Variants in PDE4D observed in about 807,000 individuals in gnomAD.
PDE4D encodes the protein phosphodiesterase 4D, also known as 3',5'-cyclic-AMP phosphodiesterase 4D.
In PDE4D, 24 loss-of-function variants were observed where a neutral mutation model predicts 87.4. The ratio of observed to expected loss-of-function variants is 0.27; its 90% CI spans 0.20 to 0.39. PDE4D has a LOEUF of 0.39. Ranked by LOEUF, PDE4D falls within the 10% of genes least tolerant of loss-of-function variation. The pLI is 1.00. For synonymous variants in PDE4D, 384 were observed against 383.2 expected, an observed-to-expected ratio of 1.00 and a Z score of -0.02; for missense variants, 714 against 1,041.0, an observed-to-expected ratio of 0.69 and a Z score of 4.32.
intron 1 of PDE4D, among the ~76,000 whole-genome samples, chr5:59,399,097 G>A (rs1582390128): frequency 7.6e-6 from 1 of 132,022 alleles, no homozygotes; most frequent in Middle Eastern, 3.6e-3. Flanking sequence ...CAAACAAATG[G>A]AAGAACATTC....
chr5:59,595,786 C>G (rs1826589000), intron 1 of PDE4D, among the ~76,000 whole-genome samples: 1 of 151,942 alleles, frequency 6.6e-6, no homozygotes, highest in Non-Finnish European at 1.5e-5. Context: ...ACCTTTAGGT[C>G]TGCTTGTATA....
intron 1 of PDE4D, among the ~76,000 whole-genome samples, chr5:59,880,429 C>T (rs1308722434): frequency 1.3e-5 from 2 of 152,030 alleles, no homozygotes; most frequent in Non-Finnish European, 2.9e-5. Flanking sequence ...TCATGAGTTA[C>T]AAAAAGATGT....
intron 1 of PDE4D, among the ~76,000 whole-genome samples, chr5:59,630,397 T>C (rs1377757942): frequency 6.6e-6 from 1 of 152,170 alleles, no homozygotes; most frequent in Non-Finnish European, 1.5e-5. Flanking sequence ...CACAATCCCC[T>C]TATAATGAAT....
chr5:59,651,155 C>T (rs1273367521), intron 1 of PDE4D, among the ~76,000 whole-genome samples: 1 of 151,372 alleles, frequency 6.6e-6, no homozygotes, highest in Non-Finnish European at 1.5e-5. Context: ...ACTCGGGAGG[C>T]TGAGGCAGGA....
chr5:59,124,371 T>G (rs532840344), intron 5 of PDE4D, among the ~76,000 whole-genome samples: 9 of 152,336 alleles, frequency 5.9e-5, no homozygotes, highest in African/African-American at 2.2e-4. Context: ...TGATTTATAC[T>G]CGAGTAGACC....
chr5:59,026,164 GT>G (rs1442743010), intron 6 of PDE4D, among the ~76,000 whole-genome samples: 1 of 152,220 alleles, frequency 6.6e-6, no homozygotes, highest in Non-Finnish European at 1.5e-5. Flanking sequence ...AGAAAGAGCA[GT>G]TTATGACCAT....
At chr5:59,876,412 G>T (rs1411267865) in intron 1 of PDE4D, among the ~76,000 whole-genome samples, 1 of 152,132 alleles carries the variant, frequency 6.6e-6, no homozygotes, top group Non-Finnish European at 1.5e-5. Context: ...CCTGGTAAGT[G>T]CTACCATCAC....
In PDE4D at chr5:59,757,580, GTCAC is replaced by G. The variant is rs1248231720; in HGVS notation, c.455+135584_455+135587del. Among the ~76,000 whole-genome samples, 4 of 152,238 alleles carry G rather than the reference GTCAC, an allele frequency of 2.6e-5. No individual in the cohort carries two copies. The East Asian group carries it at 7.7e-4, about 29-fold the overall frequency. ...GGTCCTCCTCTATCTGGCCACCTAGGTCACTCAAAGAGAGCCTGTGAGTCAGGCC... is the reference window on the plus strand; with the variant it reads ...GGTCCTCCTCTATCTGGCCACCTAGGTCAAAGAGAGCCTGTGAGTCAGGCC... On this transcript the variant is annotated intron_variant, in intron 1 of 14. Transcript: ENST00000340635.
In PDE4D at chr5:60,083,578, G is replaced by A. The variant is rs115926143; in HGVS notation, c.43-94861C>T. 7.7e-3 allele frequency among the ~76,000 whole-genome samples: 1,171 copies of A among 152,326 alleles called. 13 individuals carry two copies. Among genetic ancestry groups the A allele is most frequent in the African/African-American group, 0.027 (1,115 of 41,566 alleles). Reference sequence around the variant, plus strand: ...AAGATGGCAAACAGTATGGAAGATAGAGAAGTAGACTTTCATCATAAAACA... The same window carrying A: ...AAGATGGCAAACAGTATGGAAGATAAAGAAGTAGACTTTCATCATAAAACA... On this transcript the variant is annotated intron_variant, in intron 2 of 16. Transcript: ENST00000502484.
At chr5:59,144,892 G>GT (rs1554080184) in intron 5 of PDE4D, among the ~76,000 whole-genome samples, 16 of 69,516 alleles carry the variant, frequency 2.3e-4, no homozygotes, top group Non-Finnish European at 4.1e-4. Context: ...GGGTTTAATG[G>GT]GGGGGGGGGG....
chr5:59,762,992 A>T (rs193291998), intron 1 of PDE4D, among the ~76,000 whole-genome samples: 134 of 150,876 alleles, frequency 8.9e-4, no homozygotes, highest in Middle Eastern at 3.5e-3. Context: ...CAGGACACAT[A>T]CATATGAAGT....
At chr5:59,170,649 T>C (rs923695938) in intron 5 of PDE4D, among the ~76,000 whole-genome samples, 10 of 152,212 alleles carry the variant, frequency 6.6e-5, no homozygotes, top group African/African-American at 2.4e-4. Context: ...TTAAAGTGCA[T>C]TAAATGTGTG....
intron 1 of PDE4D, among the ~76,000 whole-genome samples, chr5:59,513,761 A>G (rs975951022): frequency 3.3e-5 from 5 of 152,246 alleles, no homozygotes; most frequent in Non-Finnish European, 7.3e-5. Flanking sequence ...AATCAAACTG[A>G]GTGGTAACAA....
At chr5:59,322,292 A>G (rs1316540682) in intron 1 of PDE4D, among the ~76,000 whole-genome samples, 2 of 152,080 alleles carry the variant, frequency 1.3e-5, no homozygotes, top group East Asian at 3.9e-4. Flanking sequence ...CTGGTGATTG[A>G]GGGAACATAA....
chr5:60,477,349 G>T (rs1200195861), intron 1 of PDE4D, among the ~76,000 whole-genome samples: 1 of 152,108 alleles, frequency 6.6e-6, no homozygotes, highest in African/African-American at 2.4e-5. Flanking sequence ...AGGAGTTAGG[G>T]GAGAAGTGTG....
chr5:59,239,176 G>C (rs1024679057), intron 1 of PDE4D, among the ~76,000 whole-genome samples: 2 of 152,206 alleles, frequency 1.3e-5, no homozygotes, highest in Non-Finnish European at 2.9e-5. Flanking sequence ...CTGTACTGCT[G>C]TCTGTTGATA....
chr5:59,503,916 T>C lies in PDE4D; in HGVS notation c.456-287948A>G, dbSNP rs144972499. Reference sequence around the variant, plus strand: ...ACTAGAAGTCTTATAATATTTCTTATCTGTTATTCTGTATTCCCATGTTTC... The same window carrying C: ...ACTAGAAGTCTTATAATATTTCTTACCTGTTATTCTGTATTCCCATGTTTC... On this transcript the variant is annotated intron_variant, in intron 1 of 14. Coordinates refer to ENST00000340635, the MANE Select transcript of PDE4D (RefSeq NM_001104631.2). 6.2e-3 allele frequency among the ~76,000 whole-genome samples: 937 copies of C among 152,320 alleles called. 9 individuals are homozygous for C. The highest frequency in any genetic ancestry group is 0.022 in the African/African-American group (905 of 41,568).
At chr5:60,210,230 C>A (rs1583082458) in intron 1 of PDE4D, among the ~76,000 whole-genome samples, 1 of 151,804 alleles carries the variant, frequency 6.6e-6, no homozygotes, top group African/African-American at 2.4e-5. Context: ...AGTAATTGTC[C>A]AGGTTTTTAA....
intron 1 of PDE4D, among the ~76,000 whole-genome samples, chr5:60,357,658 C>A (rs1478056103): frequency 6.6e-6 from 1 of 152,052 alleles, no homozygotes; most frequent in African/African-American, 2.4e-5. Flanking sequence ...AAGTTGAGAA[C>A]AAAAACATTT....
Sources: gnomAD v4.1 joint callset for allele counts (sites outside exome capture counted in the v4.1 genomes callset) on GRCh38, gnomAD v4.1.1 for gene constraint, MANE v1.5 for transcripts, NCBI Gene and HGNC (gene_info 2026-07-23, HGNC 2026-07-21) for gene names.